The following ATP6V0B variants were observed in gnomAD, a reference collection of about 807,000 sequenced individuals.
ATP6V0B encodes the protein V-type proton ATPase 21 kDa proteolipid subunit c''.
In ATP6V0B, 4 loss-of-function variants were observed where a neutral mutation model predicts 26.2. The ratio of observed to expected loss-of-function variants is 0.15; its 90% confidence interval spans 0.08 to 0.35. ATP6V0B has a LOEUF of 0.35. ATP6V0B is among the 10% of genes least tolerant of loss of function. The pLI is 1.00. For missense variants in ATP6V0B, 175 were observed against 272.5 expected, an observed-to-expected ratio of 0.64 and a Z score of 2.52; for synonymous variants, 110 against 105.8, an observed-to-expected ratio of 1.04 and a Z score of -0.24.
intron 7 of ATP6V0B, 38 bp from the exon 8 acceptor site, chr1:43,977,943 T>C (rs762232009): frequency 1.5e-5 from 25 of 1,614,076 alleles, no homozygotes; most frequent in Non-Finnish European, 2.1e-5. Flanking sequence ...TACCTATTCC[T>C]CTGTCCCTGC....
rs746878208 is a variant in ATP6V0B, at chr1:43,977,133, C to T, written c.508C>T (p.Pro170Ser). The T allele has an allele frequency of 1.2e-6, 2 of 1,614,252 alleles. No individual in the cohort carries two copies. Among genetic ancestry groups the T allele is most frequent in the South Asian group, 1.1e-5 (1 of 91,090 alleles). ...SGAALADAQN[P>S]SLFVKILIVE... is the part of the protein sequence containing the mutation. ...GGCTGCCCTGGCCGATGCTCAGAAC[C>T]CCAGCCTCTTTGTAAAGATTCTCAT... Residue 170 changes from proline (P) to serine (S), a missense_variant, in exon 7 of 8, where the codon CCC becomes TCC. Around this residue, in one of 3 missense-constraint regions of ATP6V0B, gnomAD observed 97 missense variants for 158.0 expected, o/e 0.61. Coordinates refer to ENST00000472174, the MANE Select transcript of ATP6V0B (RefSeq NM_004047.5).
At position 43,976,669 on chromosome 1, in the gene ATP6V0B, G is replaced by C. The variant is rs1281557700; in HGVS notation, c.348+10G>C. 2.5e-6 allele frequency: 4 copies of C among 1,614,176 alleles called. No homozygotes were observed. Among genetic ancestry groups the C allele is most frequent in the Non-Finnish European group, 3.4e-6 (4 of 1,180,014 alleles). ...TAGCAACATGGCTGAGGTATGGAAG[G>C]CCAGGGTGGTGGCGGGAATCCATTC... On this transcript the variant is annotated intron_variant, in intron 5 of 7. Transcript: ENST00000472174. The surrounding 1 kb of genome is among the most constrained non-coding windows in gnomAD (Gnocchi z 4.6).
rs1194362651 is a variant in ATP6V0B, at chr1:43,976,348, G to A, written c.247G>A (p.Ala83Thr). The change falls in exon 4 of 8, where the codon GCC (alanine) becomes ACC (threonine). Residue 83 changes from alanine (A) to threonine (T), a missense_variant. By Grantham distance (58) the Ala-to-Thr change is moderately conservative. This residue lies in a region of ATP6V0B where 3 missense variants were observed against 19.8 expected (regional missense o/e 0.15). Transcript: ENST00000472174. This position sits in a 1 kb window ranked among gnomAD's most constrained non-coding sequence, Gnocchi z 4.6. ...CTCCATCATTGGTGGAGGAGTGAAGGCCCCCAGGATCAAGACCAAGAACCT... is the reference window on the plus strand; with the variant it reads ...CTCCATCATTGGTGGAGGAGTGAAGACCCCCAGGATCAAGACCAAGAACCT... ...GSSIIGGGVKAPRIKTKNLVS... is the reference protein window; with the variant it reads ...GSSIIGGGVKTPRIKTKNLVS... The A allele has an allele frequency of 2.5e-6, 4 of 1,613,586 alleles. No homozygotes were observed. Among genetic ancestry groups the A allele is most frequent in the Non-Finnish European group, 2.5e-6 (3 of 1,179,772 alleles).
chr1:43,975,714 C>A, intron 1 of ATP6V0B, 86 bp from the exon 2 acceptor site: 1 of 1,498,122 alleles, frequency 6.7e-7, no homozygotes, highest in Non-Finnish European at 9.3e-7. Flanking sequence ...AGGGAGGTGG[C>A]CCTTCAGCTC....
Position 43,977,016 on chromosome 1 carries a change from A to C in ATP6V0B, c.401-10A>C. The C allele has an allele frequency of 6.2e-7, 1 of 1,602,120 alleles. No individual in the cohort carries two copies. The highest frequency in any genetic ancestry group is 1.1e-5 in the South Asian group (1 of 90,098). ...GCTTAGCCTCACTGCACCCCTCTCT[A>C]TCCTCCCAGGCTACTCCATGTTTGG... is the stretch of plus-strand genomic sequence containing the variant. On this transcript the variant is annotated splice_polypyrimidine_tract_variant and intron_variant, in intron 6 of 7. Coordinates refer to ENST00000472174, the MANE Select transcript of ATP6V0B (RefSeq NM_004047.5).
Position 43,978,125 on chromosome 1 carries a change from C to T in ATP6V0B, c.*118C>T, listed in dbSNP as rs1220354700. On this transcript the variant is annotated 3_prime_UTR_variant, in exon 8 of 8. Transcript: ENST00000472174. The stretch of plus-strand genomic sequence containing the variant: ...TGGTGTTCAGGGCCCTCCCTGCACT[C>T]CCCTCTTGCTGCGTGTTGATTTGGA... 7.0e-7 allele frequency: 1 copy of T among 1,430,322 alleles called. No individual in the cohort carries two copies. The highest frequency in any genetic ancestry group is 9.8e-7 in the Non-Finnish European group (1 of 1,018,314). The allele number at this position is 1,430,322 out of a possible 1,614,324, so 88.6% of individuals were successfully genotyped here. A position where few individuals can be genotyped will look rare whatever the true frequency, so the allele number is the denominator to read the frequency against.
At position 43,976,193 on chromosome 1, in the gene ATP6V0B, G is replaced by C. The variant is rs561149186; in HGVS notation, c.200+20G>C. The C allele has an allele frequency of 6.2e-7, 1 of 1,612,440 alleles. No homozygotes were observed. The highest frequency in any genetic ancestry group is 8.5e-7 in the Non-Finnish European group (1 of 1,178,728). On this transcript the variant is annotated intron_variant, in intron 3 of 7. Coordinates refer to ENST00000472174, the MANE Select transcript of ATP6V0B (RefSeq NM_004047.5). This position sits in a 1 kb window ranked among gnomAD's most constrained non-coding sequence, Gnocchi z 4.6. ...AGCCTGGTGAGTATTGGGGTGGTGGGACTGGGGGCAGGGGCTGAGTCATGG... is the reference window on the plus strand; with the variant it reads ...AGCCTGGTGAGTATTGGGGTGGTGGCACTGGGGGCAGGGGCTGAGTCATGG...
At chr1:43,975,388 C>A (rs931502662) in intron 1 of ATP6V0B, 2 of 561,960 alleles carry the variant, frequency 3.6e-6, no homozygotes, top group South Asian at 2.1e-5. Flanking sequence ...TGCTGTCCCC[C>A]CTTTCTTGCT....
intron 2 of ATP6V0B, 57 bp downstream of exon 2, chr1:43,975,905 C>A: frequency 6.5e-7 from 1 of 1,541,960 alleles, no homozygotes; most frequent in East Asian, 2.3e-5. Context: ...AGCCTCTCTT[C>A]TTTTCTCTGG....
intron 7 of ATP6V0B, chr1:43,977,582 G>C: frequency 6.3e-6 from 9 of 1,422,518 alleles, no homozygotes; most frequent in Non-Finnish European, 8.2e-6. Flanking sequence ...CTGTCATGGT[G>C]TGTTTGACTG....
At position 43,978,058 on chromosome 1, in the gene ATP6V0B, C is replaced by T. The variant is rs1239466785; in HGVS notation, c.*51C>T. The T allele has an allele frequency of 2.5e-6, 4 of 1,613,226 alleles. No individual in the cohort carries two copies. The highest frequency in any genetic ancestry group is 1.1e-5 in the South Asian group (1 of 91,070). ...CTCACTTTTATTTATTGCTGGTTTT[C>T]CTGGGACAGCTGGAGCTGTGTCCCT... is the stretch of plus-strand genomic sequence containing the variant. On this transcript the variant is annotated 3_prime_UTR_variant, in exon 8 of 8. Transcript: ENST00000472174.
intron 1 of ATP6V0B, chr1:43,975,518 T>TC: frequency 1.8e-6 from 1 of 567,932 alleles, no homozygotes; most frequent in Non-Finnish European, 3.1e-6. Flanking sequence ...CGGCGGGATC[T>TC]GGCTGGAGCG....
Position 43,978,032 on chromosome 1 carries a change from C to T in ATP6V0B, c.*25C>T. Reference sequence around the variant, plus strand: ...GATGATATGTGTGGGTGGGGCCGTGCCTCACTTTTATTTATTGCTGGTTTT... The same window carrying T: ...GATGATATGTGTGGGTGGGGCCGTGTCTCACTTTTATTTATTGCTGGTTTT... On this transcript the variant is annotated 3_prime_UTR_variant, in exon 8 of 8. Coordinates refer to ENST00000472174, the MANE Select transcript of ATP6V0B (RefSeq NM_004047.5). 6.2e-7 allele frequency: 1 copy of T among 1,614,134 alleles called. No homozygotes were observed. The highest frequency in any genetic ancestry group is 8.5e-7 in the Non-Finnish European group (1 of 1,179,998).
At chr1:43,975,641 A>G (rs758524761) in intron 1 of ATP6V0B, 159 bp from the exon 2 acceptor site, 4 of 789,098 alleles carry the variant, frequency 5.1e-6, no homozygotes, top group Non-Finnish European at 8.6e-6. Flanking sequence ...ATGGAGGCCT[A>G]AGCAGAGGAA....
At chr1:43,977,677 C>G in intron 7 of ATP6V0B, 1 of 1,426,822 alleles carries the variant, frequency 7.0e-7, no homozygotes. Context: ...GTCTGTCTGA[C>G]AGTGTGTGAG....
chr1:43,975,767 C>A, intron 1 of ATP6V0B, 33 bp from the exon 2 acceptor site: 1 of 1,584,296 alleles, frequency 6.3e-7, no homozygotes, highest in Non-Finnish European at 8.6e-7. Context: ...ACCGAGCAGC[C>A]CGTAACCCCC....
Position 43,976,977 on chromosome 1 carries a change from C to A in ATP6V0B, c.401-49C>A. ...GGTGATTGGCCCCATTAGCCCATAT[C>A]TCCCCCATTCCTGGCTTAGCCTCAC... On this transcript the variant is annotated intron_variant, in intron 6 of 7. Transcript: ENST00000472174. This position sits in a 1 kb window ranked among gnomAD's most constrained non-coding sequence, Gnocchi z 4.6. 1 of 1,600,616 alleles carries A rather than the reference C, an allele frequency of 6.2e-7. No individual in the cohort carries two copies. The highest frequency in any genetic ancestry group is 2.2e-5 in the East Asian group (1 of 44,664).
At chr1:43,975,541 G>T (rs1229959496) in intron 1 of ATP6V0B, 2 of 576,672 alleles carry the variant, frequency 3.5e-6, no homozygotes, top group Non-Finnish European at 6.1e-6. Context: ...TGCTCCCTCG[G>T]TCCCGCCTCG....
Position 43,976,935 on chromosome 1 carries a change from C to T in ATP6V0B, c.401-91C>T. ...GATATTCTCTCACCTACTTTTTCTG[C>T]TTTGCAGAGTGGGGATGGTGATTGG... is the stretch of plus-strand genomic sequence containing the variant. On this transcript the variant is annotated intron_variant, in intron 6 of 7. Transcript: ENST00000472174. The surrounding 1 kb of genome is among the most constrained non-coding windows in gnomAD (Gnocchi z 4.6). 6.2e-7 allele frequency: 1 copy of T among 1,602,588 alleles called. No homozygotes were observed. The highest frequency in any genetic ancestry group is 2.2e-5 in the East Asian group (1 of 44,776).
Sources: allele counts gnomAD v4.1 joint callset, GRCh38; gene constraint gnomAD v4.1.1; regional missense constraint gnomAD v4.1.1; non-coding constraint Gnocchi (gnomAD v3.1); transcripts MANE v1.5; gene names NCBI Gene and HGNC (gene_info 2026-07-23, HGNC 2026-07-21).